IL1RAPL1: variants seen among roughly 807,000 people sequenced by gnomAD.
IL1RAPL1 encodes the protein interleukin 1 receptor accessory protein like 1.
A neutral mutation model predicts 48.4 loss-of-function variants in IL1RAPL1; 3 were observed. That is an observed-to-expected ratio of 0.06 (90% confidence interval 0.03 to 0.16). The LOEUF (loss-of-function observed/expected upper bound fraction) is 0.16, where lower values mean the gene tolerates loss of function less well. IL1RAPL1 is among the 10% of genes least tolerant of loss of function. The pLI is 1.00. For missense variants in IL1RAPL1, 349 were observed against 530.6 expected (o/e 0.66, Z 3.36); for synonymous variants, 185 against 187.7 (o/e 0.99, Z 0.12).
intron 2 of IL1RAPL1, among the ~76,000 whole-genome samples, chrX:29,088,288 T>C (rs1201045500): frequency 1.8e-5 from 2 of 112,151 alleles, no homozygotes; most frequent in African/African-American, 6.5e-5. Context: ...ATCTTCTCTT[T>C]GCTTTCCTAT....
chrX:29,906,387 A>C (rs372824193), intron 6 of IL1RAPL1, among the ~76,000 whole-genome samples: 2 of 95,222 alleles, frequency 2.1e-5, no homozygotes, highest in East Asian at 7.1e-4. Context: ...GGAATCCAAT[A>C]ATCTGGAAGG....
intron 1 of IL1RAPL1, among the ~76,000 whole-genome samples, chrX:28,591,330 A>G: frequency 8.9e-6 from 1 of 112,399 alleles, no homozygotes. Flanking sequence ...TGAACAAATC[A>G]GTATTACTTT....
At chrX:28,959,046 G>A (rs1247642923) in intron 2 of IL1RAPL1, among the ~76,000 whole-genome samples, 1 of 110,563 alleles carries the variant, frequency 9.0e-6, no homozygotes, top group East Asian at 2.8e-4. Context: ...GATACGTGAC[G>A]ATCAGCATAT....
At chrX:28,802,706 A>C (rs1936689886) in intron 2 of IL1RAPL1, among the ~76,000 whole-genome samples, 1 of 111,874 alleles carries the variant, frequency 8.9e-6, no homozygotes, top group African/African-American at 3.2e-5. Context: ...GTGCATTAAT[A>C]TTTTTCTGAA....
At chrX:28,722,023 T>C (rs1334656684) in intron 1 of IL1RAPL1, among the ~76,000 whole-genome samples, 1 of 111,577 alleles carries the variant, frequency 9.0e-6, no homozygotes, top group Non-Finnish European at 1.9e-5. Flanking sequence ...TGAAGTCAGG[T>C]AGCATGATGC....
At chrX:29,933,648 CAAAAT>C (rs1384744027) in intron 8 of IL1RAPL1, among the ~76,000 whole-genome samples, 2 of 22,952 alleles carry the variant, frequency 8.7e-5, no homozygotes, top group East Asian at 1.9e-3. Context: ...AAGATATAGA[CAAAAT>C]AGACAAAAAA....
intron 2 of IL1RAPL1, among the ~76,000 whole-genome samples, chrX:29,236,108 C>T (rs1931288877): frequency 8.9e-6 from 1 of 112,559 alleles, no homozygotes; most frequent in Non-Finnish European, 1.9e-5. Flanking sequence ...AATTTCTCCA[C>T]TGTTTGGGTT....
chrX:29,481,170 T>TA (rs927269220), intron 5 of IL1RAPL1, among the ~76,000 whole-genome samples: 5 of 112,814 alleles, frequency 4.4e-5, no homozygotes, highest in Admixed American at 3.8e-4. Context: ...AATGACTAGA[T>TA]AAAATGATAG....
intron 2 of IL1RAPL1, among the ~76,000 whole-genome samples, chrX:29,116,541 G>A (rs1229972358): frequency 9.0e-6 from 1 of 111,681 alleles, no homozygotes; most frequent in African/African-American, 3.2e-5. Flanking sequence ...TGAAATATTG[G>A]TGAAATATTA....
At chrX:29,293,683 A>G (rs765552406) in intron 3 of IL1RAPL1, among the ~76,000 whole-genome samples, 64 of 111,702 alleles carry the variant, frequency 5.7e-4, no homozygotes, top group Non-Finnish European at 1.1e-3. Flanking sequence ...ACATGACATA[A>G]TTGGTAATTA....
intron 5 of IL1RAPL1, among the ~76,000 whole-genome samples, chrX:29,620,701 A>C (rs2147074078): frequency 8.9e-6 from 1 of 112,483 alleles, no homozygotes; most frequent in South Asian, 3.7e-4. Context: ...AGAAACCTTC[A>C]GTAAGCGTTG....
chrX:29,700,037 T>C (rs981708806), intron 6 of IL1RAPL1, among the ~76,000 whole-genome samples: 1 of 111,669 alleles, frequency 9.0e-6, no homozygotes, highest in Non-Finnish European at 1.9e-5. Context: ...TCTTGTGTTA[T>C]TCAGTTGACC....
chrX:29,195,833 T>G (rs1369407597), intron 2 of IL1RAPL1, among the ~76,000 whole-genome samples: 1 of 111,532 alleles, frequency 9.0e-6, no homozygotes, highest in Non-Finnish European at 1.9e-5. Flanking sequence ...AGTGCTGGGA[T>G]TACAGGCATG....
chrX:29,851,829 A>C (rs1013629228), intron 6 of IL1RAPL1, among the ~76,000 whole-genome samples: 1 of 112,337 alleles, frequency 8.9e-6, no homozygotes, highest in African/African-American at 3.2e-5. Flanking sequence ...ATAATAGTAA[A>C]AACAAGAAGC....
chrX:29,802,905 GTA>G (rs1491508877), intron 6 of IL1RAPL1, among the ~76,000 whole-genome samples: 13 of 21,451 alleles, frequency 6.1e-4, no homozygotes, highest in African/African-American at 1.9e-3. Flanking sequence ...ATATATATGT[GTA>G]TATATGTGTA....
intron 6 of IL1RAPL1, among the ~76,000 whole-genome samples, chrX:29,841,484 T>G (rs1292217827): frequency 9.0e-6 from 1 of 111,340 alleles, no homozygotes; most frequent in Non-Finnish European, 1.9e-5. Context: ...TGGCTATACT[T>G]GAATAGACTG....
chrX:28,894,876 C>T (rs1276820913), intron 2 of IL1RAPL1, among the ~76,000 whole-genome samples: 2 of 110,708 alleles, frequency 1.8e-5, no homozygotes, highest in Non-Finnish European at 1.9e-5. Context: ...TAGCCGGACA[C>T]GATCAGCAGG....
In IL1RAPL1 at chrX:29,047,679, T is replaced by A. The variant is rs756520439; in HGVS notation, c.83-235259T>A. 3.6e-5 allele frequency among the ~76,000 whole-genome samples: 4 copies of A among 110,366 alleles called. No homozygotes were observed. The South Asian group carries it at 1.6e-3, about 43-fold the overall frequency. On this transcript the variant is annotated intron_variant, in intron 2 of 10. Coordinates refer to ENST00000378993, the MANE Select transcript of IL1RAPL1 (RefSeq NM_014271.4). ...ACTACCTGTGACCACAGAGCCCAAG[T>A]AATGTTTAATGGAGGCATACATCTT...
intron 1 of IL1RAPL1, among the ~76,000 whole-genome samples, chrX:28,756,026 A>T (rs1322660549): frequency 9.0e-6 from 1 of 111,400 alleles, no homozygotes; most frequent in Non-Finnish European, 1.9e-5. Context: ...TATTTTTTAT[A>T]CACCCTGCTT....
Sources: allele counts gnomAD v4.1 joint callset (sites outside exome capture counted in the v4.1 genomes callset), GRCh38; gene constraint gnomAD v4.1.1; transcripts MANE v1.5; gene names NCBI Gene and HGNC (gene_info 2026-07-23, HGNC 2026-07-21).